The following FIRRM variants were observed in gnomAD, a reference collection of about 807,000 sequenced individuals.
FIRRM encodes the protein FIGNL1 interacting regulator of recombination and mitosis, also known as FIGNL1-interacting regulator of recombination and mitosis.
the FIRRM span, chr1:169,792,729 T>C: frequency 6.2e-7 from 1 of 1,613,946 alleles, no homozygotes; most frequent in Non-Finnish European, 8.5e-7. Context: ...TGTGCTTTGC[T>C]GGCCAAAAGT....
chr1:169,792,847 A>G, the FIRRM span: 6 of 1,613,920 alleles, frequency 3.7e-6, no homozygotes, highest in Non-Finnish European at 5.1e-6. Context: ...ATTTTACAAA[A>G]AGTTTTTCAC....
chr1:169,800,850 A>G, the FIRRM span: 4 of 1,130,628 alleles, frequency 3.5e-6, no homozygotes, highest in South Asian at 2.7e-5. Context: ...TGACATGACA[A>G]TATTTTTATA....
the FIRRM span, among the ~76,000 whole-genome samples, chr1:169,792,229 C>T: frequency 0.066 from 10,078 of 152,252 alleles, 428 homozygotes; most frequent in Non-Finnish European, 0.099. Context: ...AAGGAACTAA[C>T]GAAGACTGGG....
the FIRRM span, among the ~76,000 whole-genome samples, chr1:169,813,791 G>A: frequency 3.9e-5 from 6 of 152,210 alleles, no homozygotes; most frequent in Non-Finnish European, 8.8e-5. Flanking sequence ...GGTGAGTGAT[G>A]GCAGTGGGTA....
the FIRRM span, among the ~76,000 whole-genome samples, chr1:169,831,262 T>C: frequency 6.6e-6 from 1 of 152,184 alleles, no homozygotes; most frequent in Admixed American, 6.5e-5. Flanking sequence ...TTTCATCATC[T>C]TAACATTAAC....
At chr1:169,827,264 C>T in the FIRRM span, 1 of 1,288,958 alleles carries the variant, frequency 7.8e-7, no homozygotes, top group Admixed American at 2.3e-5. Context: ...ACTGATTTCC[C>T]CTAGCCATTC....
chr1:169,793,908 A>C, the FIRRM span: 1 of 326,152 alleles, frequency 3.1e-6, no homozygotes, highest in Non-Finnish European at 5.7e-6. Context: ...CTGGAAAGAA[A>C]AAAAAAAAAA....
At chr1:169,825,493 T>C in the FIRRM span, among the ~76,000 whole-genome samples, 38 of 152,354 alleles carry the variant, frequency 2.5e-4, no homozygotes, top group African/African-American at 8.2e-4. Context: ...GTGCATGGCA[T>C]GTATACATAG....
At chr1:169,804,831 C>T in the FIRRM span, among the ~76,000 whole-genome samples, 50 of 152,046 alleles carry the variant, frequency 3.3e-4, no homozygotes, top group East Asian at 1.2e-3. Context: ...TATAGGCGTC[C>T]GCCACCACAC....
chr1:169,851,926 C>T, the FIRRM span: 1 of 1,613,902 alleles, frequency 6.2e-7, no homozygotes, highest in East Asian at 2.2e-5. Flanking sequence ...GCAAAGAGGT[C>T]ATCTTTACAG....
chr1:169,823,190 T>G, the FIRRM span, among the ~76,000 whole-genome samples: 105,755 of 151,276 alleles, frequency 0.7, 37,131 homozygotes, highest in Middle Eastern at 0.85. Context: ...GGCAGAGGTT[T>G]CATGAGCCGA....
At chr1:169,830,659 T>C in the FIRRM span, 2 of 1,575,342 alleles carry the variant, frequency 1.3e-6, no homozygotes. Flanking sequence ...TTCTGAGTAA[T>C]TGTATAAACA....
At chr1:169,804,828 G>A in the FIRRM span, among the ~76,000 whole-genome samples, 15 of 152,066 alleles carry the variant, frequency 9.9e-5, 2 homozygotes, top group Admixed American at 6.6e-5. Context: ...GATTATAGGC[G>A]TCCGCCACCA....
At chr1:169,788,661 C>T in the FIRRM span, among the ~76,000 whole-genome samples, 1 of 152,156 alleles carries the variant, frequency 6.6e-6, no homozygotes, top group Non-Finnish European at 1.5e-5. Flanking sequence ...TTTACATCCA[C>T]TTTTTCCATC....
the FIRRM span, among the ~76,000 whole-genome samples, chr1:169,815,034 A>C: frequency 1.3e-5 from 2 of 151,924 alleles, no homozygotes; most frequent in African/African-American, 4.8e-5. Context: ...GCGGTGGCTC[A>C]CGCCTGTAAT....
the FIRRM span, among the ~76,000 whole-genome samples, chr1:169,837,288 CTG>C: frequency 2.0e-5 from 3 of 152,160 alleles, no homozygotes; most frequent in Non-Finnish European, 4.4e-5. Context: ...AGAAACTTAA[CTG>C]TTATTTTAAT....
chr1:169,847,103 G>T, the FIRRM span, among the ~76,000 whole-genome samples: 1 of 151,948 alleles, frequency 6.6e-6, no homozygotes, highest in Admixed American at 6.6e-5. Flanking sequence ...TATTATATTT[G>T]CCATCTTATA....
chr1:169,850,883 A>G, the FIRRM span: 3 of 151,528 alleles, frequency 2.0e-5, no homozygotes, highest in Non-Finnish European at 4.4e-5. Context: ...GAGGATCCCT[A>G]AGCTATTAAT....
At chr1:169,830,249 T>G in the FIRRM span, 56 of 1,600,376 alleles carry the variant, frequency 3.5e-5, no homozygotes, top group Non-Finnish European at 4.7e-5. Context: ...ATTTTTCTGT[T>G]TTTGATTAGG....
Sources: allele counts gnomAD v4.1 joint callset (sites outside exome capture counted in the v4.1 genomes callset), GRCh38; gene constraint gnomAD v4.1.1; transcripts MANE v1.5; gene names NCBI Gene and HGNC (gene_info 2026-07-23, HGNC 2026-07-21).